The following KIF13B variants were observed in gnomAD, a reference collection of about 807,000 sequenced individuals.
KIF13B encodes kinesin-like protein KIF13B.
Under a neutral mutation model 222.0 loss-of-function variants are expected in KIF13B, and 127 were observed. The ratio of observed to expected loss-of-function variants is 0.57; its 90% CI spans 0.50 to 0.66. The LOEUF (loss-of-function observed/expected upper bound fraction) is 0.66. Ranked by LOEUF, KIF13B falls within the 30% of genes least tolerant of loss-of-function variation. The probability of loss-of-function intolerance (pLI) is 0.00; values close to 1 mark genes in which losing one functional copy is unlikely to be tolerated. For missense variants in KIF13B, 2,173 were observed against 2,379.0 expected, an observed-to-expected ratio of 0.91 and a Z score of 1.80; for synonymous variants, 976 against 919.0, an observed-to-expected ratio of 1.06 and a Z score of -1.12.
At chr8:29,081,593 G>A (rs955766303) in intron 37 of KIF13B, among the ~76,000 whole-genome samples, 21 of 152,158 alleles carry the variant, frequency 1.4e-4, no homozygotes, top group Non-Finnish European at 2.8e-4. Context: ...CAGAAAGAAG[G>A]ATGGGAATAT....
intron 16 of KIF13B, among the ~76,000 whole-genome samples, chr8:29,148,114 C>T (rs1427184932): frequency 6.6e-6 from 1 of 152,068 alleles, no homozygotes; most frequent in Non-Finnish European, 1.5e-5. Flanking sequence ...GCAGGAGAAT[C>T]GAATCACTTG....
intron 2 of KIF13B, among the ~76,000 whole-genome samples, chr8:29,221,686 A>G (rs1814759426): frequency 6.6e-6 from 1 of 152,284 alleles, no homozygotes. Context: ...GTGTGCCCCA[A>G]AAGAATTTTG....
At chr8:29,103,589 G>A (rs930980291) in intron 35 of KIF13B, among the ~76,000 whole-genome samples, 2 of 152,000 alleles carry the variant, frequency 1.3e-5, no homozygotes, top group Admixed American at 6.6e-5. Context: ...GGTGAATTTC[G>A]CATTTGGAAT....
intron 34 of KIF13B, 69 bp downstream of exon 34, chr8:29,109,365 A>T: frequency 1.6e-6 from 2 of 1,217,026 alleles, no homozygotes; most frequent in Middle Eastern, 1.9e-4. Context: ...GGTGGAGAAG[A>T]GTTACCCAAG....
intron 21 of KIF13B, among the ~76,000 whole-genome samples, chr8:29,139,739 G>A (rs1047860120): frequency 6.6e-6 from 1 of 151,936 alleles, no homozygotes; most frequent in Non-Finnish European, 1.5e-5. Flanking sequence ...TTGCACCTGC[G>A]CCCCTCGCTG....
rs1009724933 is a variant in KIF13B, at chr8:29,110,063, T to C, written c.3938A>G (p.Gln1313Arg). Reference protein sequence around the residue: ...EIVSNIPEDAQGVEEREALAR... With the variant: ...EIVSNIPEDARGVEEREALAR... Reference sequence around the variant, plus strand: ...TAATGCTTCCCGTTCTTCCACTCCCTGGGCATCCTGAGCAGTGGAAAGTTA... The same window carrying C: ...TAATGCTTCCCGTTCTTCCACTCCCCGGGCATCCTGAGCAGTGGAAAGTTA... Residue 1313 changes from glutamine to arginine, a missense_variant, in exon 33 of 40, where the codon CAG becomes CGG. Physicochemically the swap from Gln to Arg is conservative, Grantham distance 43 (BLOSUM62 1). Around this residue, in one of 2 missense-constraint regions of KIF13B, gnomAD observed 1,480 missense variants for 1,722.8 expected, o/e 0.86. Transcript: ENST00000524189. 14 of 1,558,090 alleles carry C rather than the reference T, an allele frequency of 9.0e-6. No individual in the cohort carries two copies. The Admixed American group carries it at 1.9e-4, about 22-fold the overall frequency.
At chr8:29,102,865 A>C (rs961084900) in intron 35 of KIF13B, among the ~76,000 whole-genome samples, 8 of 152,214 alleles carry the variant, frequency 5.3e-5, no homozygotes, top group Admixed American at 2.0e-4. Context: ...ATTTCCTCAA[A>C]AACTCCAATC....
At position 29,181,929 on chromosome 8, in the gene KIF13B, G is replaced by A; in HGVS notation, c.575C>T (p.Thr192Ile). 3 of 1,612,850 alleles carry A rather than the reference G, an allele frequency of 1.9e-6. No homozygotes were observed. Among genetic ancestry groups the A allele is most frequent in the Non-Finnish European group, 2.5e-6 (3 of 1,179,010 alleles). Residue 192 changes from threonine (T) to isoleucine (I), a missense_variant, in exon 7 of 40, where the codon ACA (threonine) becomes ATA (isoleucine). Physicochemically the swap from Thr to Ile is moderately conservative, Grantham distance 89 (BLOSUM62 -1). Around this residue, in one of 2 missense-constraint regions of KIF13B, gnomAD observed 1,480 missense variants for 1,722.8 expected, o/e 0.86. Coordinates refer to ENST00000524189, the MANE Select transcript of KIF13B (RefSeq NM_015254.4). ...ACAGGATGTTGTTACCTTGTAGCTT[G>A]TGACAGCCAGTTTAGAAAGTCCGTC... Reference protein sequence around the residue: ...YVDGLSKLAVTSYKDIESLMS... With the variant: ...YVDGLSKLAVISYKDIESLMS...
intron 21 of KIF13B, among the ~76,000 whole-genome samples, chr8:29,134,626 G>A (rs953442538): frequency 6.6e-5 from 10 of 152,088 alleles, no homozygotes; most frequent in East Asian, 3.8e-4. Flanking sequence ...GAACAAAATC[G>A]GTGTATGGGC....
intron 2 of KIF13B, among the ~76,000 whole-genome samples, chr8:29,223,577 A>T (rs1293134250): frequency 6.6e-6 from 1 of 152,224 alleles, no homozygotes; most frequent in Non-Finnish European, 1.5e-5. Context: ...AAAATTTAAC[A>T]CGTAACTAAA....
At chr8:29,079,523 T>C (rs1482080542) in intron 37 of KIF13B, among the ~76,000 whole-genome samples, 1 of 152,208 alleles carries the variant, frequency 6.6e-6, no homozygotes, top group African/African-American at 2.4e-5. Context: ...AACAAATGCA[T>C]ACATTACTTA....
intron 30 of KIF13B, among the ~76,000 whole-genome samples, chr8:29,117,765 T>C (rs1439925935): frequency 6.6e-6 from 1 of 152,116 alleles, no homozygotes; most frequent in Non-Finnish European, 1.5e-5. Context: ...TCAAACATAC[T>C]CAAAATTAGA....
intron 10 of KIF13B, among the ~76,000 whole-genome samples, chr8:29,169,272 G>A (rs1345762643): frequency 2.6e-5 from 4 of 152,242 alleles, no homozygotes; most frequent in East Asian, 3.9e-4. Flanking sequence ...AGGTTTGTTC[G>A]GACAATGGAG....
intron 35 of KIF13B, among the ~76,000 whole-genome samples, chr8:29,101,295 C>T (rs1263311166): frequency 2.0e-5 from 3 of 152,126 alleles, no homozygotes; most frequent in Non-Finnish European, 2.9e-5. Flanking sequence ...TGTACAGTGG[C>T]GAGCTCACAC....
chr8:29,165,596 C>T, intron 12 of KIF13B, 66 bp downstream of exon 12: 2 of 963,942 alleles, frequency 2.1e-6, no homozygotes, highest in East Asian at 2.4e-5. Flanking sequence ...GAACCAGAAA[C>T]ACCATGTGTC....
At chr8:29,214,713 G>A (rs1380460428) in intron 2 of KIF13B, among the ~76,000 whole-genome samples, 1 of 152,190 alleles carries the variant, frequency 6.6e-6, no homozygotes, top group Non-Finnish European at 1.5e-5. Flanking sequence ...TATATACCAT[G>A]CATAATTGTA....
chr8:29,084,200 G>A (rs1382645338), intron 37 of KIF13B, among the ~76,000 whole-genome samples: 2 of 152,166 alleles, frequency 1.3e-5, no homozygotes, highest in African/African-American at 2.4e-5. Context: ...ACAAGCGTGA[G>A]CCACCGCACC....
At chr8:29,258,708 T>C (rs1460562073) in intron 1 of KIF13B, among the ~76,000 whole-genome samples, 1 of 152,176 alleles carries the variant, frequency 6.6e-6, no homozygotes, top group African/African-American at 2.4e-5. Flanking sequence ...GCTCACATCA[T>C]AAGCTTCCTC....
At chr8:29,221,097 CTTTTTTTTTTT>C (rs60915605) in intron 2 of KIF13B, among the ~76,000 whole-genome samples, 1 of 112,808 alleles carries the variant, frequency 8.9e-6, no homozygotes, top group Admixed American at 9.3e-5. Context: ...GAGCTGTGTT[CTTTTTTTTTTT>C]TTTTTTTTTT....
Sources: allele counts gnomAD v4.1 joint callset (sites outside exome capture counted in the v4.1 genomes callset), GRCh38; gene constraint gnomAD v4.1.1; regional missense constraint gnomAD v4.1.1; transcripts MANE v1.5; gene names NCBI Gene and HGNC (gene_info 2026-07-23, HGNC 2026-07-21).